The following SH3PXD2A variants were observed in gnomAD, a reference collection of about 807,000 sequenced individuals.
The protein encoded by SH3PXD2A is SH3 and PX domains 2A, also known as SH3 and PX domain-containing protein 2A.
SH3PXD2A carries 32 observed loss-of-function variants against 115.2 expected under a neutral mutation model. That is an observed-to-expected ratio of 0.28 (90% CI 0.21 to 0.37). The LOEUF is 0.37. SH3PXD2A is among the 10% of genes least tolerant of loss of function. SH3PXD2A has a pLI of 1.00. For missense variants in SH3PXD2A, 1,328 were observed against 1,498.7 expected (o/e 0.89, Z 1.88); for synonymous variants, 610 against 629.1 (o/e 0.97, Z 0.45).
At chr10:103,825,337 G>A (rs908922719) in intron 1 of SH3PXD2A, among the ~76,000 whole-genome samples, 1 of 152,298 alleles carries the variant, frequency 6.6e-6, no homozygotes, top group Admixed American at 6.5e-5. Flanking sequence ...CATTTGTTGA[G>A]AATTTACTCA....
At position 103,758,539 on chromosome 10, in the gene SH3PXD2A, G is replaced by A. The variant is rs756087763; in HGVS notation, c.229+8555C>T. ...CACAACCAGGCCTACTTTGTTCTCA[G>A]TCATATCACCAGTGACCACAGCTGG... On this transcript the variant is annotated intron_variant, in intron 3 of 14. Coordinates refer to ENST00000369774, the MANE Select transcript of SH3PXD2A (RefSeq NM_001394015.1). 2.6e-5 allele frequency among the ~76,000 whole-genome samples: 4 copies of A among 152,376 alleles called. No individual in the cohort carries two copies. In the Middle Eastern group the frequency reaches 0.01, roughly 389 times the overall value.
intron 1 of SH3PXD2A, among the ~76,000 whole-genome samples, chr10:103,836,152 G>A (rs1002381976): frequency 1.4e-4 from 21 of 152,152 alleles, no homozygotes; most frequent in African/African-American, 4.8e-4. Flanking sequence ...AGGCAATGGA[G>A]GAAAAGATCA....
At chr10:103,801,054 C>A (rs2039142066) in intron 2 of SH3PXD2A, among the ~76,000 whole-genome samples, 1 of 152,172 alleles carries the variant, frequency 6.6e-6, no homozygotes, top group Non-Finnish European at 1.5e-5. Context: ...CAAAGCGTTA[C>A]TGTTAAGACC....
At chr10:103,734,182 T>G (rs1339905873) in intron 4 of SH3PXD2A, among the ~76,000 whole-genome samples, 2 of 152,226 alleles carry the variant, frequency 1.3e-5, no homozygotes, top group Non-Finnish European at 2.9e-5. Flanking sequence ...GCTCTTCTCC[T>G]TCTGATACTC....
intron 11 of SH3PXD2A, 42 bp from the exon 12 acceptor site, chr10:103,613,232 A>C: frequency 6.9e-7 from 1 of 1,457,644 alleles, no homozygotes; most frequent in Non-Finnish European, 9.3e-7. Flanking sequence ...GAGCACTCTG[A>C]CCTCACAGCC....
intron 9 of SH3PXD2A, among the ~76,000 whole-genome samples, chr10:103,623,059 G>T (rs1368707717): frequency 6.6e-6 from 1 of 152,214 alleles, no homozygotes; most frequent in African/African-American, 2.4e-5. Context: ...GCCCAAGAGA[G>T]ACTTGGATCC....
Position 103,647,595 on chromosome 10 carries a change from C to T in SH3PXD2A, c.604+13388G>A, listed in dbSNP as rs1186375553. ...CATGGAGCCTCACTTGGTGCTTGCA[C>T]ATGGTGCTTGGAAACAGAAGAACAG... On this transcript the variant is annotated intron_variant, in intron 8 of 14. Coordinates refer to ENST00000369774, the MANE Select transcript of SH3PXD2A (RefSeq NM_001394015.1). Among the ~76,000 whole-genome samples, 3 of 152,206 alleles carry T rather than the reference C, an allele frequency of 2.0e-5. No individual in the cohort carries two copies. In the East Asian group the frequency reaches 5.8e-4, roughly 29 times the overall value.
At chr10:103,716,602 C>T (rs2038107694) in intron 5 of SH3PXD2A, among the ~76,000 whole-genome samples, 1 of 152,190 alleles carries the variant, frequency 6.6e-6, no homozygotes, top group Non-Finnish European at 1.5e-5. Flanking sequence ...TGACTGTCTA[C>T]CCACTGTGTG....
intron 1 of SH3PXD2A, among the ~76,000 whole-genome samples, chr10:103,844,522 T>A (rs1031773348): frequency 6.6e-6 from 1 of 152,216 alleles, no homozygotes; most frequent in Non-Finnish European, 1.5e-5. Flanking sequence ...AATCCCTATA[T>A]GCTCTGAACA....
At chr10:103,615,292 CCCGAG>C (rs2036494119) in intron 11 of SH3PXD2A, among the ~76,000 whole-genome samples, 2 of 152,090 alleles carry the variant, frequency 1.3e-5, no homozygotes, top group African/African-American at 4.8e-5. Flanking sequence ...TGCTTAGGGC[CCCGAG>C]TGCTGTATTT....
intron 5 of SH3PXD2A, among the ~76,000 whole-genome samples, chr10:103,704,003 G>GA (rs1230563133): frequency 6.6e-6 from 1 of 152,174 alleles, no homozygotes; most frequent in Non-Finnish European, 1.5e-5. Flanking sequence ...ATTGCTGGGG[G>GA]ATAAACAAGT....
intron 8 of SH3PXD2A, among the ~76,000 whole-genome samples, chr10:103,642,611 G>A (rs2036971694): frequency 2.0e-5 from 3 of 152,114 alleles, no homozygotes; most frequent in Middle Eastern, 3.2e-3. Flanking sequence ...TTGGTGAGAT[G>A]GGAATATGAA....
chr10:103,845,866 C>T (rs923773329), intron 1 of SH3PXD2A, among the ~76,000 whole-genome samples: 1 of 152,168 alleles, frequency 6.6e-6, no homozygotes, highest in Non-Finnish European at 1.5e-5. Flanking sequence ...CCATCAGGGA[C>T]CACACAGTGA....
intron 5 of SH3PXD2A, among the ~76,000 whole-genome samples, chr10:103,716,210 C>G (rs1169834074): frequency 6.6e-6 from 1 of 152,190 alleles, no homozygotes; most frequent in African/African-American, 2.4e-5. Flanking sequence ...AACCTGTGCT[C>G]TGGCTGGGGC....
At chr10:103,639,393 C>T (rs370991702) in intron 8 of SH3PXD2A, among the ~76,000 whole-genome samples, 3 of 151,992 alleles carry the variant, frequency 2.0e-5, no homozygotes, top group Non-Finnish European at 4.4e-5. Flanking sequence ...AGGTGGATCA[C>T]GAGGTCAAGA....
At chr10:103,731,574 G>C (rs1362384704) in intron 4 of SH3PXD2A, among the ~76,000 whole-genome samples, 1 of 152,116 alleles carries the variant, frequency 6.6e-6, no homozygotes, top group East Asian at 1.9e-4. Context: ...CTACTATCTG[G>C]GTTCCCCCAG....
At chr10:103,670,815 G>C (rs1564859697) in intron 6 of SH3PXD2A, among the ~76,000 whole-genome samples, 1 of 152,346 alleles carries the variant, frequency 6.6e-6, no homozygotes, top group East Asian at 1.9e-4. Context: ...GACACACCAA[G>C]GGCCTCCACA....
At chr10:103,630,183 T>TG (rs1286730613) in intron 8 of SH3PXD2A, among the ~76,000 whole-genome samples, 5 of 152,330 alleles carry the variant, frequency 3.3e-5, no homozygotes, top group Admixed American at 1.3e-4. Flanking sequence ...CTGTGGCTGA[T>TG]GGAGGCCCCA....
intron 8 of SH3PXD2A, among the ~76,000 whole-genome samples, chr10:103,640,753 G>A (rs1024451327): frequency 6.6e-6 from 1 of 152,166 alleles, no homozygotes; most frequent in South Asian, 2.1e-4. Context: ...GGAGAGCCTG[G>A]GAAGGGGCTC....
Sources: allele counts gnomAD v4.1 joint callset (sites outside exome capture counted in the v4.1 genomes callset), GRCh38; gene constraint gnomAD v4.1.1; transcripts MANE v1.5; gene names NCBI Gene and HGNC (gene_info 2026-07-23, HGNC 2026-07-21).